The following PSG1 variants were observed in gnomAD, a reference collection of about 807,000 sequenced individuals.
PSG1 encodes pregnancy-specific beta-1-glycoprotein 1.
Under a neutral mutation model 41.4 loss-of-function variants are expected in PSG1, and 60 were observed. That is an observed-to-expected ratio of 1.45 (90% CI 1.18 to 1.80). The LOEUF (loss-of-function observed/expected upper bound fraction) is 1.80. PSG1 is among the 40% of genes most tolerant of loss of function. PSG1 has a pLI of 0.00. For synonymous variants in PSG1, 256 were observed against 192.9 expected (o/e 1.33, Z -2.71); for missense variants, 806 against 516.9 (o/e 1.56, Z -5.42).
rs1240624644 is a variant in PSG1 at position 42,868,133 on chromosome 19, T to C, written c.1211A>G (p.Glu404Gly). ...TTCGACTGTCATGGATTTGGAGCTT[T>C]CCTTGCCAGTGGCTGAGTTACGAAC... The part of the protein sequence containing the change: ...CSVRNSATGK[E>G]SSKSMTVEVS... The change falls in exon 5 of 6, where the codon GAA (glutamate) becomes GGA (glycine). Residue 404 changes from glutamate to glycine, a missense_variant. Transcript: ENST00000436291. 1 of 1,612,388 alleles carries C rather than the reference T, an allele frequency of 6.2e-7. No individual in the cohort carries two copies. The highest frequency in any genetic ancestry group is 8.5e-7 in the Non-Finnish European group (1 of 1,179,104).
intron 2 of PSG1, among the ~76,000 whole-genome samples, chr19:42,877,156 AG>A (rs1270118932): frequency 6.6e-6 from 1 of 151,650 alleles, no homozygotes; most frequent in Non-Finnish European, 1.5e-5. Context: ...TCCATGAGAA[AG>A]CACCTTTACG....
intron 1 of PSG1, among the ~76,000 whole-genome samples, chr19:42,878,879 G>A (rs1446332861): frequency 6.6e-6 from 1 of 151,280 alleles, no homozygotes; most frequent in African/African-American, 2.4e-5. Context: ...TGCCCTGGGT[G>A]TTTTTTTTCC....
chr19:42,875,089 G>T (rs968032948), intron 2 of PSG1, among the ~76,000 whole-genome samples: 3 of 151,656 alleles, frequency 2.0e-5, no homozygotes, highest in African/African-American at 7.3e-5. Flanking sequence ...TGACACCCTG[G>T]TGAGTCAGTG....
At chr19:42,879,443 C>A (rs1359451232) in intron 1 of PSG1, 75 bp downstream of exon 1, 4 of 1,580,624 alleles carry the variant, frequency 2.5e-6, no homozygotes, top group South Asian at 2.2e-5. Flanking sequence ...TTTTAGAACC[C>A]CATCCTCTCC....
chr19:42,877,562 C>T (rs1177446721), intron 2 of PSG1, among the ~76,000 whole-genome samples: 1 of 151,680 alleles, frequency 6.6e-6, no homozygotes. Flanking sequence ...GAGAGTATCT[C>T]AGGGGGCCCC....
rs749238841 is a variant in PSG1, at chr19:42,868,218, C to T, written c.1126G>A (p.Gly376Arg). The stretch of plus-strand genomic sequence containing the variant: ...ATATGGCGGATAAAGAGCTTTTGTC[C>T]TGGTAGCTGAAACTTTTCATTAATT... ...WTINEKFQLP[G>R]QKLFIRHITT... The change falls in exon 5 of 6, where the codon GGA becomes AGA. Residue 376 changes from glycine (G) to arginine (R), a missense_variant. Transcript: ENST00000436291. The T allele has an allele frequency of 4.3e-6, 7 of 1,612,234 alleles. No individual in the cohort carries two copies. The African/African-American group carries it at 8.0e-5, about 19-fold the overall frequency.
chr19:42,879,262 C>T (rs1018937257), intron 1 of PSG1, among the ~76,000 whole-genome samples: 2 of 150,476 alleles, frequency 1.3e-5, no homozygotes, highest in Admixed American at 1.3e-4. Flanking sequence ...ACGTGATTCT[C>T]CTGCCTCAGC....
intron 2 of PSG1, chr19:42,874,207 T>C (rs1971511262): frequency 6.6e-6 from 1 of 151,738 alleles, no homozygotes; most frequent in South Asian, 2.1e-4. Context: ...AATATGTTGT[T>C]CCACTTTTTT....
intron 3 of PSG1, chr19:42,869,396 C>T (rs1209980830): frequency 5.8e-6 from 2 of 343,776 alleles, no homozygotes; most frequent in East Asian, 5.4e-5. Context: ...CTGCTGGGCC[C>T]CTTCCAAATT....
chr19:42,871,948 T>C lies in PSG1; in HGVS notation c.528A>G (p.Ala176=), dbSNP rs1186862857. 6.2e-7 allele frequency: 1 copy of C among 1,612,340 alleles called. No homozygotes were observed. Among genetic ancestry groups the C allele is most frequent in the Non-Finnish European group, 8.5e-7 (1 of 1,179,204 alleles). The change falls in exon 3 of 6, where the codon GCA becomes GCG. Residue 176 remains alanine (A), a synonymous_variant. Coordinates refer to ENST00000436291, the MANE Select transcript of PSG1 (RefSeq NM_001184825.2). ...SLTCDPETPD[A]SYLWWMNGQS... ...GACCATTCATCCACCACAGGTAGCT[T>C]GCGTCTGGAGTCTCAGGGTCACAGG...
In PSG1 at chr19:42,872,107, T is replaced by G. The variant is rs112875190; in HGVS notation, c.431-62A>C. 5.8e-3 allele frequency: 9,102 copies of G among 1,562,706 alleles called. 568 individuals are homozygous for G. The African/African-American group carries it at 0.1, about 18-fold the overall frequency. ...CGCCTTTGATTCCTCCAAAGGCATT[T>G]TTCAATCAGAATTGGCATTTCCCAC... is the stretch of plus-strand genomic sequence containing the variant. On this transcript the variant is annotated intron_variant, in intron 2 of 5. Coordinates refer to ENST00000436291, the MANE Select transcript of PSG1 (RefSeq NM_001184825.2).
intron 5 of PSG1, chr19:42,867,678 A>G: frequency 1.3e-6 from 1 of 778,534 alleles, no homozygotes; most frequent in Non-Finnish European, 2.3e-6. Flanking sequence ...TGGGGCAGTC[A>G]GGTAGAAAGC....
chr19:42,869,194 A>C, intron 3 of PSG1, 160 bp from the exon 4 acceptor site: 1 of 1,454,646 alleles, frequency 6.9e-7, no homozygotes, highest in Middle Eastern at 2.6e-4. Context: ...TGATGATCTA[A>C]GGGCTCAAAG....
At chr19:42,874,828 A>C (rs1217711513) in intron 2 of PSG1, among the ~76,000 whole-genome samples, 1 of 151,174 alleles carries the variant, frequency 6.6e-6, no homozygotes, top group Non-Finnish European at 1.5e-5. Flanking sequence ...GGATGGGGTC[A>C]AGAGTCCACT....
rs372748159 is a variant in PSG1 at position 42,878,009 on chromosome 19, C to T, written c.334G>A (p.Val112Ile). Residue 112 changes from valine (V) to isoleucine (I), a missense_variant, in exon 2 of 6, where the codon GTC becomes ATC. Coordinates refer to ENST00000436291, the MANE Select transcript of PSG1 (RefSeq NM_001184825.2). ...YSNASLLIQNVTREDAGSYTL... is the reference protein window; with the variant it reads ...YSNASLLIQNITREDAGSYTL... Reference sequence around the variant, plus strand: ...TAGGATCCTGCGTCCTCCCGGGTGACATTCTGGATCAGCAGGGATGCATTG... The same window carrying T: ...TAGGATCCTGCGTCCTCCCGGGTGATATTCTGGATCAGCAGGGATGCATTG... 1.1e-5 allele frequency: 17 copies of T among 1,612,512 alleles called. No homozygotes were observed. In the African/African-American group the frequency reaches 1.7e-4, roughly 16 times the overall value.
rs1042083398 is a variant in PSG1, at chr19:42,879,124, C to T, written c.64+394G>A. ...TGGTGTATTTTCCCCTATCCAGGCT[C>T]CAACAGAGCCTTCTTTCCTTTTTTT... is the stretch of plus-strand genomic sequence containing the variant. On this transcript the variant is annotated intron_variant, in intron 1 of 5. Coordinates refer to ENST00000436291, the MANE Select transcript of PSG1 (RefSeq NM_001184825.2). 2.5e-4 allele frequency among the ~76,000 whole-genome samples: 38 copies of T among 150,976 alleles called. 1 individual carries two copies. The highest frequency in any genetic ancestry group is 8.5e-4 in the African/African-American group (35 of 41,080).
Position 42,879,506 on chromosome 19 carries a change from TTC to T in PSG1, c.64+10_64+11del. The T allele has an allele frequency of 6.2e-7, 1 of 1,608,806 alleles. No homozygotes were observed. The highest frequency in any genetic ancestry group is 8.5e-7 in the Non-Finnish European group (1 of 1,176,894). On this transcript the variant is annotated intron_variant, in intron 1 of 5. Transcript: ENST00000436291. ...CCTCCTCCTGTCCTCTCCCAGGAAGTTCTCTCCTCACCTGTGAGCAGGAGCCC... is the reference window on the plus strand; with the variant it reads ...CCTCCTCCTGTCCTCTCCCAGGAAGTTCTCCTCACCTGTGAGCAGGAGCCC...
chr19:42,869,382 G>A (rs553508528), intron 3 of PSG1: 10 of 378,762 alleles, frequency 2.6e-5, no homozygotes, highest in East Asian at 4.7e-5. Flanking sequence ...CCTGGAATAT[G>A]CAACTGCTGG....
rs532735187 is a variant in PSG1 at position 42,878,087 on chromosome 19, C to T, written c.256G>A (p.Gly86Ser). 2.7e-4 allele frequency: 429 copies of T among 1,612,196 alleles called. 24 individuals are homozygous for T. In the South Asian group the frequency reaches 3.9e-3, roughly 14 times the overall value. The change falls in exon 2 of 6, where the codon GGT becomes AGT. Residue 86 changes from glycine to serine, a missense_variant. Physicochemically the swap from Gly to Ser is moderately conservative, Grantham distance 56. Coordinates refer to ENST00000436291, the MANE Select transcript of PSG1 (RefSeq NM_001184825.2). The stretch of plus-strand genomic sequence containing the variant: ...GCAGGCCCATATATAATTATTTCAC[C>T]GTCTACTACATATGATGTAATGTAA... Reference protein sequence around the residue: ...YHYITSYVVDGEIIIYGPAYS... With the variant: ...YHYITSYVVDSEIIIYGPAYS...
Sources: gnomAD v4.1 joint callset for allele counts (sites outside exome capture counted in the v4.1 genomes callset) on GRCh38, gnomAD v4.1.1 for gene constraint, MANE v1.5 for transcripts, NCBI Gene and HGNC (gene_info 2026-07-23, HGNC 2026-07-21) for gene names.